MCM4: variants seen among roughly 807,000 people sequenced by gnomAD.
The protein encoded by MCM4 is minichromosome maintenance complex component 4.
Under a neutral mutation model 88.7 loss-of-function variants are expected in MCM4, and 60 were observed. The observed-to-expected ratio is 0.68, with a 90% CI of 0.55 to 0.84. The LOEUF is 0.84. MCM4 is among the 40% of genes least tolerant of loss of function. MCM4 has a pLI of 0.00. For missense variants in MCM4, 1,149 were observed against 1,105.5 expected (o/e 1.04, Z -0.56); for synonymous variants, 465 against 410.5 (o/e 1.13, Z -1.61).
chr8:47,968,138 A>G (rs765409345), intron 10 of MCM4, among the ~76,000 whole-genome samples: 61 of 152,136 alleles, frequency 4.0e-4, no homozygotes, highest in Non-Finnish European at 6.9e-4. Flanking sequence ...TAGAGTCACA[A>G]TGGATTTTGG....
chr8:47,968,347 C>T (rs943545784), intron 10 of MCM4, among the ~76,000 whole-genome samples: 1 of 152,158 alleles, frequency 6.6e-6, no homozygotes, highest in Non-Finnish European at 1.5e-5. Context: ...AATCTTCCGT[C>T]GTAAAAGTAC....
Position 47,970,654 on chromosome 8 carries a change from C to T in MCM4, c.1578C>T (p.Leu526=), listed in dbSNP as rs34157149. 365 of 1,614,164 alleles carry T rather than the reference C, an allele frequency of 2.3e-4. 1 individual carries two copies. The African/African-American group carries it at 2.3e-3, about 10-fold the overall frequency. The change falls in exon 12 of 17, where the codon CTC becomes CTT. Residue 526 remains leucine, a synonymous_variant. Coordinates refer to ENST00000649973, the MANE Select transcript of MCM4 (RefSeq NM_182746.3). ...AGCTGCTGCAGTACGTGTACAACCTCGTCCCCAGGGGCCAGTACACGTCTG... is the reference window on the plus strand; with the variant it reads ...AGCTGCTGCAGTACGTGTACAACCTTGTCCCCAGGGGCCAGTACACGTCTG... ...KSQLLQYVYN[L]VPRGQYTSGK... is the part of the protein sequence containing the mutation.
rs1383304458 is a variant in MCM4, at chr8:47,961,398, C to T, written c.71-118C>T. ...CCTGGGTGCTGCTTAATTCGATTGC[C>T]ATTTGCCTCTGTTTGGTTTGGTTCA... On this transcript the variant is annotated intron_variant, in intron 2 of 16. Transcript: ENST00000649973. 6.2e-5 allele frequency: 98 copies of T among 1,575,614 alleles called. 2 individuals carry two copies. The South Asian group carries it at 9.7e-4, about 16-fold the overall frequency.
At chr8:47,961,323 G>A in intron 2 of MCM4, 109 bp downstream of exon 2, 3 of 1,446,424 alleles carry the variant, frequency 2.1e-6, no homozygotes, top group Non-Finnish European at 2.7e-6. Flanking sequence ...GCTCAGCCTC[G>A]GGCTGGGCGC....
chr8:47,965,672 A>G (rs2090892037), intron 8 of MCM4, among the ~76,000 whole-genome samples: 1 of 152,226 alleles, frequency 6.6e-6, no homozygotes, highest in Admixed American at 6.5e-5. Context: ...AGCAAGAGTG[A>G]AAGATCAGAG....
chr8:47,963,459 A>C (rs2090866558), intron 7 of MCM4, among the ~76,000 whole-genome samples: 1 of 151,552 alleles, frequency 6.6e-6, no homozygotes, highest in Non-Finnish European at 1.5e-5. Flanking sequence ...TCAAACAAAC[A>C]AAAAAAAACT....
Position 47,969,985 on chromosome 8 carries a change from G to A in MCM4, c.1362G>A (p.Arg454=), listed in dbSNP as rs2090937355. 1 of 1,614,098 alleles carries A rather than the reference G, an allele frequency of 6.2e-7. No homozygotes were observed. Among genetic ancestry groups the A allele is most frequent in the Admixed American group, 1.7e-5 (1 of 60,006 alleles). The change falls in exon 11 of 17, where the codon AGG becomes AGA. Residue 454 remains arginine (R), a synonymous_variant. Transcript: ENST00000649973. The part of the protein sequence containing the change: ...KRVELLKELS[R]KPDIYERLAS... ...TGGAATTGCTTAAGGAACTTTCCAG[G>A]AAACCAGACATTTATGAGAGGCTTG...
Position 47,967,411 on chromosome 8 carries a change from C to T in MCM4, c.1100C>T (p.Pro367Leu), listed in dbSNP as rs1201481549. Residue 367 changes from proline (P) to leucine (L), a missense_variant, in exon 10 of 17, where the codon CCA (proline) becomes CTA (leucine). Physicochemically the swap from Pro to Leu is moderately conservative, Grantham distance 98. Transcript: ENST00000649973. ...SPEDMPAGQT[P>L]HTVILFAHND... ...GAAGACATGCCTGCAGGGCAGACACCACACACAGTTATCCTGTTTGCTCAC... is the reference window on the plus strand; with the variant it reads ...GAAGACATGCCTGCAGGGCAGACACTACACACAGTTATCCTGTTTGCTCAC... 2.5e-6 allele frequency: 4 copies of T among 1,614,170 alleles called. No individual in the cohort carries two copies. The highest frequency in any genetic ancestry group is 3.4e-6 in the Non-Finnish European group (4 of 1,180,014).
rs1276773952 is a variant in MCM4, at chr8:47,975,706, T to A, written c.2366-9T>A. 8 of 1,526,498 alleles carry A rather than the reference T, an allele frequency of 5.2e-6. No homozygotes were observed. Among genetic ancestry groups the A allele is most frequent in the Non-Finnish European group, 7.0e-6 (8 of 1,144,872 alleles). The allele number at this position is 1,526,498 out of a possible 1,614,324, so 94.6% of individuals were successfully genotyped here. A position where few individuals can be genotyped will look rare whatever the true frequency, so the allele number is the denominator to read the frequency against. ...CAAAAATGTTTTCATTGATTTCTTT[T>A]TAAATCAGGGATGAGTGCCACCTCT... On this transcript the variant is annotated splice_polypyrimidine_tract_variant and intron_variant, in intron 15 of 16. Coordinates refer to ENST00000649973, the MANE Select transcript of MCM4 (RefSeq NM_182746.3).
chr8:47,968,207 C>T (rs943658924), intron 10 of MCM4, among the ~76,000 whole-genome samples: 14 of 152,154 alleles, frequency 9.2e-5, no homozygotes, highest in Non-Finnish European at 1.3e-4. Flanking sequence ...AAGGTGGCGA[C>T]GGTCGCGGAG....
intron 14 of MCM4, 151 bp from the exon 15 acceptor site, chr8:47,974,583 G>A: frequency 4.5e-6 from 3 of 672,688 alleles, no homozygotes; most frequent in Non-Finnish European, 8.0e-6. Flanking sequence ...GTCTGTCTGT[G>A]TAGTCTCTAC....
intron 14 of MCM4, 91 bp from the exon 15 acceptor site, chr8:47,974,643 A>G: frequency 1.0e-6 from 1 of 962,134 alleles, no homozygotes; most frequent in South Asian, 1.4e-5. Flanking sequence ...CCGTTTACTT[A>G]ATGGAAGCCT....
At position 47,976,583 on chromosome 8, in the gene MCM4, G is replaced by C. The variant is rs190306296; in HGVS notation, c.2500-103G>C. The stretch of plus-strand genomic sequence containing the variant: ...GGCATGTGTACAGCCACCAAAAAGA[G>C]AAAGATTCTGGGTGGTACTTTAACA... On this transcript the variant is annotated intron_variant, in intron 16 of 16. Coordinates refer to ENST00000649973, the MANE Select transcript of MCM4 (RefSeq NM_182746.3). The C allele has an allele frequency of 8.8e-6, 7 of 799,346 alleles. No homozygotes were observed. In the Admixed American group the frequency reaches 1.4e-4, roughly 15 times the overall value. The allele number at this position is 799,346 out of a possible 1,614,324, so 49.5% of individuals were successfully genotyped here.
chr8:47,962,901 T>C (rs2090859395), intron 6 of MCM4, 42 bp downstream of exon 6: 2 of 1,569,356 alleles, frequency 1.3e-6, no homozygotes, highest in East Asian at 4.5e-5. Context: ...TGTTTTAAAA[T>C]AGTTAAATTA....
chr8:47,974,710 C>G (rs756676257), intron 14 of MCM4, 24 bp from the exon 15 acceptor site: 1 of 1,593,616 alleles, frequency 6.3e-7, no homozygotes, highest in Non-Finnish European at 8.6e-7. Context: ...TTTGCTTTTG[C>G]TTTTGTTTTT....
At position 47,964,673 on chromosome 8, in the gene MCM4, G is replaced by C. The variant is rs906263856; in HGVS notation, c.793G>C (p.Ala265Pro). The change falls in exon 8 of 17, where the codon GCA (alanine) becomes CCA (proline). Residue 265 changes from alanine to proline, a missense_variant. This residue lies in a region of MCM4 where 906 missense variants were observed against 843.0 expected (regional missense o/e 1.07). Transcript: ENST00000649973. ...TCAGATTCAAGTAAGACCATTCAACGCATTGAAGACTAAGAATATGAGAAA... is the reference window on the plus strand; with the variant it reads ...TCAGATTCAAGTAAGACCATTCAACCCATTGAAGACTAAGAATATGAGAAA... Reference protein sequence around the residue: ...EHQIQVRPFNALKTKNMRNLN... With the variant: ...EHQIQVRPFNPLKTKNMRNLN... The C allele has an allele frequency of 6.3e-7, 1 of 1,597,908 alleles. No individual in the cohort carries two copies. Among genetic ancestry groups the C allele is most frequent in the East Asian group, 2.3e-5 (1 of 44,146 alleles).
In MCM4 at chr8:47,970,606, C is replaced by A; in HGVS notation, c.1530C>A (p.Gly510=). The part of the protein sequence containing the change: ...FRAEINILLC[G]DPGTSKSQLL... ...CTGAGATCAACATCTTGCTGTGTGG[C>A]GACCCTGGTACCAGCAAGTCCCAGC... is the stretch of plus-strand genomic sequence containing the variant. The change falls in exon 12 of 17, where the codon GGC becomes GGA. Residue 510 remains glycine, a synonymous_variant. Coordinates refer to ENST00000649973, the MANE Select transcript of MCM4 (RefSeq NM_182746.3). The A allele has an allele frequency of 6.2e-7, 1 of 1,614,072 alleles. No individual in the cohort carries two copies. The highest frequency in any genetic ancestry group is 8.5e-7 in the Non-Finnish European group (1 of 1,180,018).
In MCM4 at chr8:47,970,538, A is replaced by T. The variant is rs1209970919; in HGVS notation, c.1462A>T (p.Thr488Ser). ...AATTTTGCTTCAGCTCTTTGGCGGGACAAGGAAGGATTTTAGTCACACTGG... is the reference window on the plus strand; with the variant it reads ...AATTTTGCTTCAGCTCTTTGGCGGGTCAAGGAAGGATTTTAGTCACACTGG... ...KGILLQLFGG[T>S]RKDFSHTGRG... Residue 488 changes from threonine to serine, a missense_variant, in exon 12 of 17, where the codon ACA becomes TCA. Thr to Ser is a moderately conservative substitution (Grantham distance 58). Transcript: ENST00000649973. The T allele has an allele frequency of 6.2e-7, 1 of 1,604,796 alleles. No individual in the cohort carries two copies. Among genetic ancestry groups the T allele is most frequent in the African/African-American group, 1.3e-5 (1 of 74,758 alleles).
At chr8:47,961,467 G>C in intron 2 of MCM4, 49 bp from the exon 3 acceptor site, 1 of 1,612,372 alleles carries the variant, frequency 6.2e-7, no homozygotes, top group East Asian at 2.2e-5. Flanking sequence ...ATCCAGGAAG[G>C]CCGGCCCTGA....
Sources: allele counts gnomAD v4.1 joint callset (sites outside exome capture counted in the v4.1 genomes callset), GRCh38; gene constraint gnomAD v4.1.1; regional missense constraint gnomAD v4.1.1; transcripts MANE v1.5; gene names NCBI Gene and HGNC (gene_info 2026-07-23, HGNC 2026-07-21).